Variants in CPA6 observed in about 807,000 individuals in gnomAD.
The protein encoded by CPA6 is carboxypeptidase B.
CPA6 carries 58 observed loss-of-function variants against 63.3 expected under a neutral mutation model. That is an observed-to-expected ratio of 0.92 (90% CI 0.74 to 1.14). The LOEUF (loss-of-function observed/expected upper bound fraction) is 1.14. Among genes scored for constraint, CPA6 ranks in the 50% most tolerant of loss-of-function variants. CPA6 has a pLI of 0.00. For synonymous variants in CPA6, 185 were observed against 179.0 expected, an observed-to-expected ratio of 1.03 and a Z score of -0.27; for missense variants, 565 against 526.6, an observed-to-expected ratio of 1.07 and a Z score of -0.71.
rs201589247 is a variant in CPA6, at chr8:67,506,842, C to T, written c.581G>A (p.Gly194Asp). Residue 194 changes from glycine (G) to aspartate (D), a missense_variant, in exon 6 of 11, where the codon GGT becomes GAT. Gly to Asp is a moderately conservative substitution (Grantham distance 94). Transcript: ENST00000297770. ...ACCAATCCATTCTCTTGCATGAATA[C>T]CACAGTCTATCCAAACAGCTCTTTT... ...RLKRAVWIDCGIHAREWIGPA... is the reference protein window; with the variant it reads ...RLKRAVWIDCDIHAREWIGPA... 1.2e-4 allele frequency: 199 copies of T among 1,613,538 alleles called. No individual in the cohort carries two copies. Among genetic ancestry groups the T allele is most frequent in the Non-Finnish European group, 1.6e-4 (189 of 1,179,690 alleles).
intron 6 of CPA6, among the ~76,000 whole-genome samples, chr8:67,504,024 A>T (rs78566256): frequency 0.02 from 3,089 of 152,194 alleles, 104 homozygotes; most frequent in African/African-American, 0.069. Flanking sequence ...TCCTCCCAAT[A>T]AGCCAATGTG....
rs1563981590 is a variant in CPA6 at position 67,511,656 on chromosome 8, C to G, written c.318-1G>C. 4 of 1,566,988 alleles carry G rather than the reference C, an allele frequency of 2.6e-6. No individual in the cohort carries two copies. Among genetic ancestry groups the G allele is most frequent in the Non-Finnish European group, 3.5e-6 (4 of 1,137,938 alleles). On this transcript the variant is annotated splice_acceptor_variant, in intron 3 of 10. Coordinates refer to ENST00000297770, the MANE Select transcript of CPA6 (RefSeq NM_020361.5). LOFTEE classifies it high-confidence loss of function. ...TTTCTGAAGATCTTCTATGAGGACCCTGAATTTGGAATGACAGACATGATG... is the reference window on the plus strand; with the variant it reads ...TTTCTGAAGATCTTCTATGAGGACCGTGAATTTGGAATGACAGACATGATG...
intron 2 of CPA6, among the ~76,000 whole-genome samples, chr8:67,558,610 G>C (rs1813124168): frequency 6.6e-6 from 1 of 152,124 alleles, no homozygotes; most frequent in Admixed American, 6.5e-5. Context: ...AGTTTTCATT[G>C]GATGAACCAT....
intron 2 of CPA6, among the ~76,000 whole-genome samples, chr8:67,590,054 A>G (rs1454870039): frequency 3.4e-5 from 5 of 147,790 alleles, no homozygotes; most frequent in African/African-American, 1.3e-4. Context: ...CCCACCCCAC[A>G]ACAGTCCCCA....
intron 1 of CPA6, among the ~76,000 whole-genome samples, chr8:67,700,511 A>AT (rs199951571): frequency 1.7e-5 from 2 of 116,450 alleles, no homozygotes; most frequent in Admixed American, 1.5e-4. Flanking sequence ...TTCTTTTGGT[A>AT]TTTTGGGGAG....
At chr8:67,437,897 A>C (rs1203730604) in intron 8 of CPA6, among the ~76,000 whole-genome samples, 1 of 146,200 alleles carries the variant, frequency 6.8e-6, no homozygotes, top group Non-Finnish European at 1.5e-5. Context: ...TGCTAATTAA[A>C]ATTTCTCCAC....
chr8:67,536,727 T>A (rs1335845527), intron 2 of CPA6, among the ~76,000 whole-genome samples: 1 of 152,194 alleles, frequency 6.6e-6, no homozygotes, highest in African/African-American at 2.4e-5. Flanking sequence ...GAACTTCCAA[T>A]ACTATGTTGA....
chr8:67,684,727 T>C (rs1185256135), intron 1 of CPA6, among the ~76,000 whole-genome samples: 1 of 152,150 alleles, frequency 6.6e-6, no homozygotes. Context: ...CTGAACCTTC[T>C]CCTAGGCCCA....
chr8:67,609,648 A>G (rs888203011), intron 2 of CPA6, among the ~76,000 whole-genome samples: 7 of 152,326 alleles, frequency 4.6e-5, no homozygotes, highest in Admixed American at 3.9e-4. Context: ...TAATCTATCA[A>G]TTGTTCTCCC....
intron 1 of CPA6, among the ~76,000 whole-genome samples, chr8:67,740,591 A>G (rs936997731): frequency 6.6e-6 from 1 of 152,112 alleles, no homozygotes; most frequent in Non-Finnish European, 1.5e-5. Flanking sequence ...TTTTCTTGAG[A>G]CTGAGTCTTG....
At chr8:67,668,934 G>T (rs1363746829) in intron 1 of CPA6, among the ~76,000 whole-genome samples, 3 of 152,196 alleles carry the variant, frequency 2.0e-5, no homozygotes, top group African/African-American at 7.2e-5. Flanking sequence ...GCTTGAATGA[G>T]AGGTGGATGC....
intron 1 of CPA6, among the ~76,000 whole-genome samples, chr8:67,658,290 T>C (rs1303291220): frequency 6.6e-6 from 1 of 152,224 alleles, no homozygotes; most frequent in South Asian, 2.1e-4. Context: ...TTTTTATGAC[T>C]GTCTCCCTGG....
intron 8 of CPA6, among the ~76,000 whole-genome samples, chr8:67,476,458 G>A (rs191287809): frequency 3.3e-5 from 5 of 152,138 alleles, no homozygotes; most frequent in African/African-American, 1.2e-4. Flanking sequence ...TATTAGCATG[G>A]TATGTGGTGG....
chr8:67,517,086 G>T (rs1451698959), intron 3 of CPA6, among the ~76,000 whole-genome samples: 1 of 151,370 alleles, frequency 6.6e-6, no homozygotes, highest in Non-Finnish European at 1.5e-5. Context: ...GTGAGCCACC[G>T]CACCCGGCCC....
intron 2 of CPA6, among the ~76,000 whole-genome samples, chr8:67,568,195 G>T (rs1050442681): frequency 1.3e-5 from 2 of 152,100 alleles, no homozygotes; most frequent in Non-Finnish European, 1.5e-5. Flanking sequence ...AGGAAAGTTG[G>T]CTTTCTCTAT....
intron 6 of CPA6, among the ~76,000 whole-genome samples, chr8:67,499,281 A>G (rs963017518): frequency 1.3e-5 from 2 of 152,310 alleles, no homozygotes; most frequent in East Asian, 3.9e-4. Flanking sequence ...TTTCTGTGGC[A>G]GAGAGAGTCA....
chr8:67,435,740 G>A (rs944829898), intron 8 of CPA6, among the ~76,000 whole-genome samples: 1 of 152,082 alleles, frequency 6.6e-6, no homozygotes, highest in Non-Finnish European at 1.5e-5. Context: ...GTGCCAGAGA[G>A]GGGACCTCCC....
intron 1 of CPA6, among the ~76,000 whole-genome samples, chr8:67,689,193 G>A (rs75836089): frequency 0.017 from 2,550 of 152,026 alleles, 61 homozygotes; most frequent in African/African-American, 0.056. Context: ...GGAAGTTACC[G>A]TTACGCCTGG....
chr8:67,501,512 T>C (rs913014494), intron 6 of CPA6, among the ~76,000 whole-genome samples: 1 of 152,184 alleles, frequency 6.6e-6, no homozygotes, highest in Non-Finnish European at 1.5e-5. Flanking sequence ...ATTGATAAAA[T>C]TATATAATTT....
Sources: gnomAD v4.1 joint callset for allele counts (sites outside exome capture counted in the v4.1 genomes callset) on GRCh38, gnomAD v4.1.1 for gene constraint, MANE v1.5 for transcripts, NCBI Gene and HGNC (gene_info 2026-07-23, HGNC 2026-07-21) for gene names.